ARMH3: variants seen among roughly 807,000 people sequenced by gnomAD.
ARMH3 encodes the protein armadillo-like helical domain-containing protein 3.
In ARMH3, 60 loss-of-function variants were observed where a neutral mutation model predicts 99.1. That is an observed-to-expected ratio of 0.61 (90% CI 0.49 to 0.75). ARMH3 has a LOEUF of 0.75. ARMH3 is among the 30% of genes least tolerant of loss of function. The probability of loss-of-function intolerance (pLI) is 0.00; values close to 1 mark genes in which losing one functional copy is unlikely to be tolerated. For missense variants in ARMH3, 679 were observed against 843.1 expected, an observed-to-expected ratio of 0.81 and a Z score of 2.41; for synonymous variants, 285 against 292.8, an observed-to-expected ratio of 0.97 and a Z score of 0.27.
intron 8 of ARMH3, among the ~76,000 whole-genome samples, chr10:102,022,522 G>C (rs1440958493): frequency 1.4e-5 from 2 of 147,682 alleles, no homozygotes; most frequent in Non-Finnish European, 3.0e-5. Context: ...AAAATTCCCA[G>C]GTTCCTGTTT....
intron 8 of ARMH3, among the ~76,000 whole-genome samples, chr10:102,014,297 C>T (rs571393495): frequency 3.3e-5 from 5 of 152,274 alleles, no homozygotes; most frequent in African/African-American, 1.2e-4. Context: ...GCCTTATGTC[C>T]ATCACTTCTA....
chr10:101,992,410 A>G (rs923118652), intron 17 of ARMH3, among the ~76,000 whole-genome samples: 1 of 152,212 alleles, frequency 6.6e-6, no homozygotes, highest in Admixed American at 6.5e-5. Flanking sequence ...AATAAAAAAA[A>G]GAGGAAGTGA....
At chr10:101,895,601 A>T (rs1182182073) in intron 23 of ARMH3, among the ~76,000 whole-genome samples, 1 of 152,158 alleles carries the variant, frequency 6.6e-6, no homozygotes, top group Non-Finnish European at 1.5e-5. Context: ...AAAATTCTTA[A>T]AAGTAAATCT....
chr10:102,018,846 G>C (rs1312217275), intron 8 of ARMH3, among the ~76,000 whole-genome samples: 8 of 151,992 alleles, frequency 5.3e-5, no homozygotes, highest in African/African-American at 1.9e-4. Flanking sequence ...AGTCCCAGCT[G>C]CTCAGAAGGC....
At chr10:101,975,871 T>A (rs1181764008) in intron 19 of ARMH3, among the ~76,000 whole-genome samples, 13 of 112,160 alleles carry the variant, frequency 1.2e-4, no homozygotes, top group Non-Finnish European at 1.7e-4. Flanking sequence ...AAAAAAAAAA[T>A]AGGCTGGGCA....
At chr10:101,926,348 C>A (rs1000245015) in intron 23 of ARMH3, among the ~76,000 whole-genome samples, 1 of 152,100 alleles carries the variant, frequency 6.6e-6, no homozygotes, top group Non-Finnish European at 1.5e-5. Flanking sequence ...CTACCATGCC[C>A]AGCTAATTAT....
intron 25 of ARMH3, among the ~76,000 whole-genome samples, chr10:101,848,018 T>G (rs1241742267): frequency 6.6e-6 from 1 of 152,226 alleles, no homozygotes; most frequent in East Asian, 1.9e-4. Flanking sequence ...TAGCACCACC[T>G]CTCTTTAGAT....
chr10:102,011,399 G>A (rs2066625425), intron 11 of ARMH3, among the ~76,000 whole-genome samples: 1 of 152,064 alleles, frequency 6.6e-6, no homozygotes, highest in Non-Finnish European at 1.5e-5. Flanking sequence ...GGCTTAATGT[G>A]TACCTTTTCT....
rs997537911 is a variant in ARMH3 at position 102,009,582 on chromosome 10, T to C, written c.879-133A>G. The C allele has an allele frequency of 9.1e-5, 75 of 824,356 alleles. No individual in the cohort carries two copies. In the Middle Eastern group the frequency reaches 1.4e-3, roughly 15 times the overall value. The allele number at this position is 824,356 out of a possible 1,614,324, so 51.1% of individuals were successfully genotyped here. A position where few individuals can be genotyped will look rare whatever the true frequency, so the allele number is the denominator to read the frequency against. On this transcript the variant is annotated intron_variant, in intron 12 of 25. Coordinates refer to ENST00000370033, the MANE Select transcript of ARMH3 (RefSeq NM_024541.3). ...CCTTTGCATTTCTAAAGTTCCCCTT[T>C]ACTTGCCATTTGGGCGTATGCAAAA...
At position 102,001,922 on chromosome 10, in the gene ARMH3, G is replaced by C. The variant is rs962957290; in HGVS notation, c.1150+49C>G. On this transcript the variant is annotated intron_variant, in intron 15 of 25. Coordinates refer to ENST00000370033, the MANE Select transcript of ARMH3 (RefSeq NM_024541.3). ...TTAATGTTGCTCTTTGATGCTAGCT[G>C]CCTGCCACACCTTTGACTTCCTGAG... 5 of 1,510,762 alleles carry C rather than the reference G, an allele frequency of 3.3e-6. No homozygotes were observed. In the African/African-American group the frequency reaches 6.9e-5, roughly 21 times the overall value. The allele number at this position is 1,510,762 out of a possible 1,614,324, so 93.6% of individuals were successfully genotyped here.
At position 102,006,560 on chromosome 10, in the gene ARMH3, G is replaced by C. The variant is rs1263203673; in HGVS notation, c.1028C>G (p.Thr343Ser). The C allele has an allele frequency of 5.6e-6, 9 of 1,613,962 alleles. 1 individual carries two copies. The East Asian group carries it at 1.8e-4, about 32-fold the overall frequency. ...APTTPVTPLG[T>S]TPPSSDVISS... ...CTCACCATCAGAGGAAGGCGGTGTGGTCCCAAGTGGTGTGACTGGGGTTGT... is the reference window on the plus strand; with the variant it reads ...CTCACCATCAGAGGAAGGCGGTGTGCTCCCAAGTGGTGTGACTGGGGTTGT... The change falls in exon 14 of 26, where the codon ACC (threonine) becomes AGC (serine). Residue 343 changes from threonine (T) to serine (S), a missense_variant. Coordinates refer to ENST00000370033, the MANE Select transcript of ARMH3 (RefSeq NM_024541.3).
intron 6 of ARMH3, 123 bp from the exon 7 acceptor site, chr10:102,023,872 G>A (rs1397453041): frequency 1.6e-5 from 15 of 915,502 alleles, no homozygotes; most frequent in Non-Finnish European, 2.2e-5. Context: ...TAACTTAGCT[G>A]ACCTTTCACA....
At chr10:102,024,084 A>G (rs2066947084) in intron 6 of ARMH3, among the ~76,000 whole-genome samples, 2 of 152,178 alleles carry the variant, frequency 1.3e-5, no homozygotes, top group Non-Finnish European at 2.9e-5. Flanking sequence ...GTGGCAGGGA[A>G]AGGGACCCTC....
At chr10:101,921,476 T>C (rs1186809988) in intron 23 of ARMH3, among the ~76,000 whole-genome samples, 1 of 152,220 alleles carries the variant, frequency 6.6e-6, no homozygotes, top group Non-Finnish European at 1.5e-5. Context: ...AGAATACCGC[T>C]ACTGGGTATT....
At chr10:101,922,418 T>A (rs939474545) in intron 23 of ARMH3, among the ~76,000 whole-genome samples, 8 of 152,264 alleles carry the variant, frequency 5.3e-5, no homozygotes, top group East Asian at 1.9e-4. Flanking sequence ...GCTAATTTTT[T>A]AAAAATTATT....
chr10:101,891,247 G>A (rs2067684074), intron 23 of ARMH3, among the ~76,000 whole-genome samples: 1 of 151,654 alleles, frequency 6.6e-6, no homozygotes, highest in Non-Finnish European at 1.5e-5. Flanking sequence ...CCAGGCTGGA[G>A]TGCAATGGTG....
intron 8 of ARMH3, among the ~76,000 whole-genome samples, chr10:102,022,462 A>G (rs1168873006): frequency 1.4e-5 from 2 of 142,708 alleles, no homozygotes; most frequent in African/African-American, 5.2e-5. Context: ...ACTGCACTCC[A>G]GCCTGGGCGA....
chr10:101,874,375 G>A (rs2067208561), intron 24 of ARMH3, among the ~76,000 whole-genome samples: 1 of 152,104 alleles, frequency 6.6e-6, no homozygotes, highest in Admixed American at 6.5e-5. Flanking sequence ...TCCATTTTGG[G>A]TTGGGACAAG....
intron 24 of ARMH3, among the ~76,000 whole-genome samples, chr10:101,884,960 TAAC>T (rs917562724): frequency 6.6e-6 from 1 of 152,058 alleles, no homozygotes; most frequent in Admixed American, 6.6e-5. Flanking sequence ...TCCTAACAGT[TAAC>T]AACAACAAAA....
Sources: gnomAD v4.1 joint callset for allele counts (sites outside exome capture counted in the v4.1 genomes callset) on GRCh38, gnomAD v4.1.1 for gene constraint, MANE v1.5 for transcripts, NCBI Gene and HGNC (gene_info 2026-07-23, HGNC 2026-07-21) for gene names.